The following SUPT5H variants were observed in gnomAD, a reference collection of about 807,000 sequenced individuals.
SUPT5H encodes transcription elongation factor SPT5.
In SUPT5H, 24 loss-of-function variants were observed where a neutral mutation model predicts 142.5. The observed-to-expected ratio is 0.17, with a 90% CI of 0.12 to 0.24. The LOEUF (loss-of-function observed/expected upper bound fraction) is 0.24. Among genes scored for constraint, SUPT5H ranks in the 10% least tolerant of loss-of-function variants. The probability of loss-of-function intolerance (pLI) is 1.00; values close to 1 mark genes in which losing one functional copy is unlikely to be tolerated. For missense variants in SUPT5H, 893 were observed against 1,471.8 expected, an observed-to-expected ratio of 0.61 and a Z score of 6.43; for synonymous variants, 546 against 553.0, an observed-to-expected ratio of 0.99 and a Z score of 0.18.
chr19:39,466,949 C>T lies in SUPT5H; in HGVS notation c.1037+204C>T, dbSNP rs183809841. 97 of 587,908 alleles carry T rather than the reference C, an allele frequency of 1.6e-4. No individual in the cohort carries two copies. In the East Asian group the frequency reaches 2.4e-3, roughly 14 times the overall value. 36.4% of individuals were successfully genotyped at this position (587,908 alleles called of 1,614,324 possible). A position where few individuals can be genotyped will look rare whatever the true frequency, so the allele number is the denominator to read the frequency against. On this transcript the variant is annotated intron_variant, in intron 13 of 29. Transcript: ENST00000432763. The surrounding 1 kb of genome is among the most constrained non-coding windows in gnomAD (Gnocchi z 4.3). Reference sequence around the variant, plus strand: ...TAAAGATTGATGAGGCTGGGCGCAGCGGGAGGGAGCACTTTGGAAGGCTAA... The same window carrying T: ...TAAAGATTGATGAGGCTGGGCGCAGTGGGAGGGAGCACTTTGGAAGGCTAA...
At position 39,469,406 on chromosome 19, in the gene SUPT5H, C is replaced by G. The variant is rs768739439; in HGVS notation, c.1374+8C>G. 1.9e-6 allele frequency: 3 copies of G among 1,614,190 alleles called. No homozygotes were observed. The highest frequency in any genetic ancestry group is 2.5e-6 in the Non-Finnish European group (3 of 1,180,032). On this transcript the variant is annotated splice_region_variant and intron_variant, in intron 16 of 29. Coordinates refer to ENST00000432763, the MANE Select transcript of SUPT5H (RefSeq NM_001111020.3). This position sits in a 1 kb window ranked among gnomAD's most constrained non-coding sequence, Gnocchi z 5.1. Reference sequence around the variant, plus strand: ...AAGCATGAGGACCTCAAGGTGGGTGCCCGGTGTTCTCGGGCAGGGGTTGGA... The same window carrying G: ...AAGCATGAGGACCTCAAGGTGGGTGGCCGGTGTTCTCGGGCAGGGGTTGGA...
chr19:39,453,657 C>A, intron 3 of SUPT5H, 136 bp downstream of exon 3: 1 of 1,048,032 alleles, frequency 9.5e-7, no homozygotes, highest in Non-Finnish European at 1.3e-6. Flanking sequence ...TGGCTCACTG[C>A]AAGTTCATGC....
rs367965773 is a variant in SUPT5H, at chr19:39,474,551, A to G, written c.2857A>G (p.Met953Val). 81 of 1,614,160 alleles carry G rather than the reference A, an allele frequency of 5.0e-5. No individual in the cohort carries two copies. Among genetic ancestry groups the G allele is most frequent in the Non-Finnish European group, 5.6e-5 (66 of 1,180,034 alleles). The change falls in exon 28 of 30, where the codon ATG (methionine) becomes GTG (valine). Residue 953 changes from methionine to valine, a missense_variant. Physicochemically the swap from Met to Val is conservative, Grantham distance 21. Around this residue, in one of 6 missense-constraint regions of SUPT5H, gnomAD observed 336 missense variants for 546.5 expected, o/e 0.61. Coordinates refer to ENST00000432763, the MANE Select transcript of SUPT5H (RefSeq NM_001111020.3). This position sits in a 1 kb window ranked among gnomAD's most constrained non-coding sequence, Gnocchi z 6.5. ...PSPSPVGYSP[M>V]TPGAPSPGGY... ...CCCGAGCCCCGTTGGCTACAGTCCT[A>G]TGACACCTGGAGCTCCCTCCCCTGG...
At chr19:39,465,937 G>A (rs1391524536) in intron 11 of SUPT5H, among the ~76,000 whole-genome samples, 1 of 152,158 alleles carries the variant, frequency 6.6e-6, no homozygotes, top group African/African-American at 2.4e-5. Flanking sequence ...ATACTTACCG[G>A]TTGAGCATCC....
At chr19:39,464,429 A>C (rs1255920609) in intron 10 of SUPT5H, among the ~76,000 whole-genome samples, 1 of 151,978 alleles carries the variant, frequency 6.6e-6, no homozygotes, top group Non-Finnish European at 1.5e-5. Flanking sequence ...GTGCGATCTC[A>C]GCTCACTGCA....
Position 39,474,306 on chromosome 19 carries a change from C to T in SUPT5H, c.2724C>T (p.Pro908=). ...GTTCCTACCAGCCCAGCCCCAGCCC[C>T]CAGAGCTACCACCAGGTGGCGCCAA... ...PQGSYQPSPS[P]QSYHQVAPSP... Residue 908 remains proline, a synonymous_variant, in exon 27 of 30, where the codon CCC becomes CCT. Coordinates refer to ENST00000432763, the MANE Select transcript of SUPT5H (RefSeq NM_001111020.3). This position sits in a 1 kb window ranked among gnomAD's most constrained non-coding sequence, Gnocchi z 6.5. 1.2e-6 allele frequency: 2 copies of T among 1,614,092 alleles called. No individual in the cohort carries two copies. The highest frequency in any genetic ancestry group is 1.7e-6 in the Non-Finnish European group (2 of 1,179,984).
intron 3 of SUPT5H, among the ~76,000 whole-genome samples, chr19:39,456,010 T>G: frequency 7.1e-6 from 1 of 139,938 alleles, no homozygotes; most frequent in South Asian, 2.4e-4. Flanking sequence ...CACTGCAACC[T>G]CTGCCTCCCG....
intron 3 of SUPT5H, among the ~76,000 whole-genome samples, chr19:39,455,238 AAAAG>A (rs779354798): frequency 5.3e-5 from 8 of 152,110 alleles, no homozygotes; most frequent in Admixed American, 2.0e-4. Context: ...AGTTTTGAGA[AAAAG>A]AAAGGTACAG....
rs1462740737 is a variant in SUPT5H at position 39,470,343 on chromosome 19, G to A, written c.1531-34G>A. On this transcript the variant is annotated intron_variant, in intron 17 of 29. Transcript: ENST00000432763. This position sits in a 1 kb window ranked among gnomAD's most constrained non-coding sequence, Gnocchi z 5.8. ...GAGACCCAGGTAGGCGAGCCACCTG[G>A]ACTGGGCCTCACCCCTTTCACCATC... 4 of 1,549,584 alleles carry A rather than the reference G, an allele frequency of 2.6e-6. No homozygotes were observed. The Admixed American group carries it at 5.5e-5, about 21-fold the overall frequency.
chr19:39,450,797 G>A (rs1324021446), intron 2 of SUPT5H, among the ~76,000 whole-genome samples: 1 of 152,122 alleles, frequency 6.6e-6, no homozygotes. Flanking sequence ...ATCTTGATTG[G>A]GTCATGAGAA....
rs531624528 is a variant in SUPT5H at position 39,449,762 on chromosome 19, C to T, written c.76-3594C>T. On this transcript the variant is annotated intron_variant, in intron 2 of 29. Transcript: ENST00000432763. Reference sequence around the variant, plus strand: ...TCAAGCAGTTCTCCTCTCTCAGCTTCCTGAGTAGCTGGGATTACAGCGGTG... The same window carrying T: ...TCAAGCAGTTCTCCTCTCTCAGCTTTCTGAGTAGCTGGGATTACAGCGGTG... Among the ~76,000 whole-genome samples, 4 of 151,756 alleles carry T rather than the reference C, an allele frequency of 2.6e-5. No individual in the cohort carries two copies. In the East Asian group the frequency reaches 7.8e-4, roughly 30 times the overall value.
Position 39,449,939 on chromosome 19 carries a change from C to CT in SUPT5H, c.76-3401dup, listed in dbSNP as rs57757348. 8.7e-3 allele frequency among the ~76,000 whole-genome samples: 1,140 copies of CT among 130,668 alleles called. 14 individuals carry two copies. The highest frequency in any genetic ancestry group is 0.028 in the African/African-American group (983 of 34,824). 85.7% of individuals were successfully genotyped at this position (130,668 alleles called of 152,430 possible). Reference sequence around the variant, plus strand: ...ACAGGCATGAGCCACCACGCTAAGCCTTTTTTTTTTTTTTTTGAGACAGGG... The same window carrying CT: ...ACAGGCATGAGCCACCACGCTAAGCCTTTTTTTTTTTTTTTTTGAGACAGGG... On this transcript the variant is annotated intron_variant, in intron 2 of 29. Transcript: ENST00000432763.
chr19:39,472,071 G>A lies in SUPT5H; in HGVS notation c.1951-338G>A, dbSNP rs1263853620. On this transcript the variant is annotated intron_variant, in intron 20 of 29. Transcript: ENST00000432763. The surrounding 1 kb of genome is among the most constrained non-coding windows in gnomAD (Gnocchi z 4.2). ...CGTACAGCTTGAGGTGATAGCAAGCGCTGTGAAGAAAACAGAATGGGCTCA... is the reference window on the plus strand; with the variant it reads ...CGTACAGCTTGAGGTGATAGCAAGCACTGTGAAGAAAACAGAATGGGCTCA... Among the ~76,000 whole-genome samples the A allele has an allele frequency of 1.3e-5, 2 of 152,200 alleles. No individual in the cohort carries two copies. Among genetic ancestry groups the A allele is most frequent in the South Asian group, 2.1e-4 (1 of 4,830 alleles).
intron 10 of SUPT5H, among the ~76,000 whole-genome samples, chr19:39,463,287 C>G (rs1305498397): frequency 6.6e-6 from 1 of 152,186 alleles, no homozygotes; most frequent in Non-Finnish European, 1.5e-5. Context: ...CAGGCATGAG[C>G]CACCGCTCCT....
At chr19:39,468,939 A>T (rs967438533) in intron 14 of SUPT5H, 78 bp downstream of exon 14, 5 of 1,556,514 alleles carry the variant, frequency 3.2e-6, no homozygotes, top group Non-Finnish European at 4.4e-6. Context: ...GCTGTGGGTT[A>T]TCTGGTTCTG....
rs985425631 is a variant in SUPT5H at position 39,458,426 on chromosome 19, C to T, written c.319+121C>T. ...CAGCCCCGGTCTGGCCCTGAGGGCTCTGACCCATGTAGGATCCAGAGTCAG... is the reference window on the plus strand; with the variant it reads ...CAGCCCCGGTCTGGCCCTGAGGGCTTTGACCCATGTAGGATCCAGAGTCAG... On this transcript the variant is annotated intron_variant, in intron 5 of 29. Transcript: ENST00000432763. The surrounding 1 kb of genome is among the most constrained non-coding windows in gnomAD (Gnocchi z 4.2). 1 of 1,542,280 alleles carries T rather than the reference C, an allele frequency of 6.5e-7. No homozygotes were observed. The highest frequency in any genetic ancestry group is 1.4e-5 in the African/African-American group (1 of 73,490).
intron 10 of SUPT5H, among the ~76,000 whole-genome samples, chr19:39,461,772 C>T (rs1638299868): frequency 6.8e-6 from 1 of 146,988 alleles, no homozygotes; most frequent in East Asian, 2.0e-4. Context: ...TGTAGTGAGC[C>T]AAGCTCGTGC....
chr19:39,473,526 G>A lies in SUPT5H; in HGVS notation c.2492+5G>A, dbSNP rs1342129601. On this transcript the variant is annotated splice_donor_5th_base_variant and intron_variant, in intron 25 of 29. Transcript: ENST00000432763. This position sits in a 1 kb window ranked among gnomAD's most constrained non-coding sequence, Gnocchi z 5.8. ...CAACCCCAACACGCCGTCACGGTGA[G>A]TCCAGGGTTCCCCAGGTTCTGGTGT... The A allele has an allele frequency of 3.1e-6, 5 of 1,607,888 alleles. No individual in the cohort carries two copies. Among genetic ancestry groups the A allele is most frequent in the Non-Finnish European group, 3.4e-6 (4 of 1,179,546 alleles).
chr19:39,467,320 T>C (rs2079254597), intron 13 of SUPT5H: 1 of 152,090 alleles, frequency 6.6e-6, no homozygotes, highest in Admixed American at 6.5e-5. Flanking sequence ...GAGGCAGAAA[T>C]TGCAGTGAGC....
Sources: allele counts gnomAD v4.1 joint callset (sites outside exome capture counted in the v4.1 genomes callset), GRCh38; gene constraint gnomAD v4.1.1; regional missense constraint gnomAD v4.1.1; non-coding constraint Gnocchi (gnomAD v3.1); transcripts MANE v1.5; gene names NCBI Gene and HGNC (gene_info 2026-07-23, HGNC 2026-07-21).